Variants in DIP2A observed in about 807,000 individuals in gnomAD.
The protein encoded by DIP2A is disco-interacting protein 2 homolog A.
Under a neutral mutation model 177.4 loss-of-function variants are expected in DIP2A, and 85 were observed. The ratio of observed to expected loss-of-function variants is 0.48; its 90% confidence interval spans 0.40 to 0.57. The LOEUF is 0.57. DIP2A is among the 20% of genes least tolerant of loss of function. The pLI, the probability that DIP2A is intolerant of heterozygous loss-of-function variation, is 0.00. For synonymous variants in DIP2A, 886 were observed against 881.8 expected (o/e 1.00, Z -0.08); for missense variants, 1,791 against 2,100.2 (o/e 0.85, Z 2.88).
intron 7 of DIP2A, among the ~76,000 whole-genome samples, chr21:46,511,087 T>C (rs1434331320): frequency 1.3e-5 from 2 of 152,162 alleles, no homozygotes; most frequent in East Asian, 3.9e-4. Context: ...TTCACCGCTG[T>C]GGTGCCGGGG....
intron 33 of DIP2A, chr21:46,561,030 T>C (rs971232967): frequency 4.7e-5 from 46 of 984,750 alleles, no homozygotes; most frequent in Non-Finnish European, 5.4e-5. Flanking sequence ...TCAGTGTCTA[T>C]CTCTGTGCGC....
chr21:46,465,874 G>A (rs986889044), intron 1 of DIP2A, among the ~76,000 whole-genome samples: 4 of 152,170 alleles, frequency 2.6e-5, no homozygotes, highest in African/African-American at 9.7e-5. Flanking sequence ...GTTGCAAAGC[G>A]AACTAGCTGC....
At chr21:46,574,866 A>C (rs927094368), downstream of DIP2A, among the ~76,000 whole-genome samples, 1 of 152,184 alleles carries the variant, frequency 6.6e-6, no homozygotes, top group African/African-American at 2.4e-5. Context: ...CATTTAAATA[A>C]CTAACACTAA....
chr21:46,547,278 A>T (rs2060092088), intron 21 of DIP2A: 1 of 1,235,452 alleles, frequency 8.1e-7, no homozygotes, highest in Non-Finnish European at 1.0e-6. Context: ...TTTGATGTAA[A>T]ATTTGGGGCA....
chr21:46,519,855 A>ATTTTTTTTTTTTTTTTTTTTTT (rs59574579), intron 8 of DIP2A, among the ~76,000 whole-genome samples: 1 of 52,978 alleles, frequency 1.9e-5, no homozygotes, highest in African/African-American at 8.7e-5. Context: ...ATTGATCTAG[A>ATTTTTTTTTTTTTTTTTTTTTT]TTTTTTTTTT....
chr21:46,519,367 T>C (rs2058720939), intron 8 of DIP2A, among the ~76,000 whole-genome samples: 1 of 152,176 alleles, frequency 6.6e-6, no homozygotes, highest in Admixed American at 6.5e-5. Context: ...TCAGCCTTAT[T>C]TTACCTAGCC....
At chr21:46,511,673 A>C (rs778156082) in intron 8 of DIP2A, 59 bp downstream of exon 8, 6 of 1,425,856 alleles carry the variant, frequency 4.2e-6, no homozygotes, top group Non-Finnish European at 5.6e-6. Flanking sequence ...TCACACACAT[A>C]ACACAGCATA....
In DIP2A at chr21:46,508,028, G is replaced by A. The variant is rs1251851086; in HGVS notation, c.785-1229G>A. Among the ~76,000 whole-genome samples the A allele has an allele frequency of 4.0e-5, 6 of 151,072 alleles. No homozygotes were observed. In the South Asian group the frequency reaches 8.4e-4, roughly 21 times the overall value. ...GCTGGGATTACAGGGGTGAGCCACTGTGCCCAGCCCCCCATTTTTTTTTTT... is the reference window on the plus strand; with the variant it reads ...GCTGGGATTACAGGGGTGAGCCACTATGCCCAGCCCCCCATTTTTTTTTTT... On this transcript the variant is annotated intron_variant, in intron 6 of 37. Transcript: ENST00000417564.
In DIP2A at chr21:46,546,966, G is replaced by A. The variant is rs755166463; in HGVS notation, c.2446G>A (p.Val816Ile). The A allele has an allele frequency of 6.2e-7, 1 of 1,613,884 alleles. No homozygotes were observed. Among genetic ancestry groups the A allele is most frequent in the African/African-American group, 1.3e-5 (1 of 74,938 alleles). The change falls in exon 21 of 38, where the codon GTT (valine) becomes ATT (isoleucine). Residue 816 changes from valine to isoleucine, a missense_variant. Coordinates refer to ENST00000417564, the MANE Select transcript of DIP2A (RefSeq NM_015151.4). ...GKLDGLMVTG[V>I]RRHNADDVVA... ...ACTGGACGGGCTGATGGTCACTGGA[G>A]TTCGCAGACACAATGCAGATGACGT...
intron 1 of DIP2A, among the ~76,000 whole-genome samples, chr21:46,468,172 A>G (rs990752295): frequency 6.7e-6 from 1 of 149,172 alleles, no homozygotes; most frequent in African/African-American, 2.5e-5. Context: ...AGACTGAGGC[A>G]GGAGAATCTC....
In DIP2A at chr21:46,478,215, A is replaced by AT. The variant is rs879894056; in HGVS notation, c.92-6528dup. On this transcript the variant is annotated intron_variant, in intron 1 of 37. Coordinates refer to ENST00000417564, the MANE Select transcript of DIP2A (RefSeq NM_015151.4). Reference sequence around the variant, plus strand: ...ATTTCTATGCAAGAAACTTTCAAGAATTTTTTTTTTTTTTGAGAGGGAGTT... The same window carrying AT: ...ATTTCTATGCAAGAAACTTTCAAGAATTTTTTTTTTTTTTTGAGAGGGAGTT... 6.9e-3 allele frequency among the ~76,000 whole-genome samples: 1,005 copies of AT among 144,898 alleles called. 9 individuals carry two copies. Among genetic ancestry groups the AT allele is most frequent in the African/African-American group, 0.018 (731 of 39,696 alleles).
chr21:46,506,879 C>T (rs1013639003), intron 6 of DIP2A, among the ~76,000 whole-genome samples: 2 of 146,852 alleles, frequency 1.4e-5, no homozygotes, highest in African/African-American at 5.0e-5. Context: ...TGGCTCACTG[C>T]AACATCCACC....
downstream of DIP2A, among the ~76,000 whole-genome samples, chr21:46,573,230 A>G (rs1157783019): frequency 1.3e-5 from 2 of 152,140 alleles, no homozygotes; most frequent in Non-Finnish European, 2.9e-5. Flanking sequence ...CTCCTTATTG[A>G]TAATTACTTT....
intron 13 of DIP2A, among the ~76,000 whole-genome samples, chr21:46,535,965 T>C (rs2059552440): frequency 6.6e-6 from 1 of 152,012 alleles, no homozygotes; most frequent in Non-Finnish European, 1.5e-5. Flanking sequence ...ACCAGCTTGC[T>C]AAGGAGGGGT....
chr21:46,523,242 A>T (rs182076436), intron 8 of DIP2A, among the ~76,000 whole-genome samples: 6 of 144,718 alleles, frequency 4.1e-5, no homozygotes, highest in Non-Finnish European at 7.5e-5. Context: ...TTATTTATTT[A>T]TTTATTTTTT....
At chr21:46,538,346 C>T (rs2059659114) in intron 15 of DIP2A, 137 bp from the exon 16 acceptor site, 6 of 1,293,524 alleles carry the variant, frequency 4.6e-6, no homozygotes, top group African/African-American at 1.5e-5. Flanking sequence ...CTGCAGAGAG[C>T]TTGTGACCTG....
At chr21:46,538,334 G>A (rs1279289108) in intron 15 of DIP2A, 149 bp from the exon 16 acceptor site, 6 of 1,185,592 alleles carry the variant, frequency 5.1e-6, no homozygotes, top group African/African-American at 1.5e-5. Context: ...TGTGAGAGAC[G>A]GCTGCAGAGA....
intron 4 of DIP2A, 116 bp downstream of exon 4, chr21:46,497,223 C>A: frequency 2.4e-6 from 3 of 1,276,470 alleles, no homozygotes; most frequent in African/African-American, 1.5e-5. Context: ...ATAGATTGGA[C>A]GCATTTGGAG....
At chr21:46,566,014 A>G (rs1601870749) in intron 36 of DIP2A, 127 bp downstream of exon 36, 2 of 1,130,122 alleles carry the variant, frequency 1.8e-6, no homozygotes, top group East Asian at 2.4e-5. Context: ...TGTGGGGGGA[A>G]GATGTTCTGA....
Sources: gnomAD v4.1 joint callset for allele counts (sites outside exome capture counted in the v4.1 genomes callset) on GRCh38, gnomAD v4.1.1 for gene constraint, MANE v1.5 for transcripts, NCBI Gene and HGNC (gene_info 2026-07-23, HGNC 2026-07-21) for gene names.